TTC28: variants seen among roughly 807,000 people sequenced by gnomAD.
TTC28 encodes the protein tetratricopeptide repeat protein 28.
Under a neutral mutation model 198.0 loss-of-function variants are expected in TTC28, and 61 were observed. That is an observed-to-expected ratio of 0.31 (90% CI 0.25 to 0.38). TTC28 has a LOEUF of 0.38. Ranked by LOEUF, TTC28 falls within the 10% of genes least tolerant of loss-of-function variation. The probability of loss-of-function intolerance (pLI) is 1.00; values close to 1 mark genes in which losing one functional copy is unlikely to be tolerated. For missense variants in TTC28, 2,678 were observed against 3,164.0 expected (o/e 0.85, Z 3.69); for synonymous variants, 1,171 against 1,297.8 (o/e 0.90, Z 2.10).
chr22:28,026,460 C>A (rs978589632), intron 13 of TTC28, among the ~76,000 whole-genome samples: 17 of 152,152 alleles, frequency 1.1e-4, no homozygotes, highest in African/African-American at 1.7e-4. Flanking sequence ...CACCTAGCAT[C>A]CTCCCTACTT....
intron 2 of TTC28, among the ~76,000 whole-genome samples, chr22:28,612,098 C>T (rs1407765358): frequency 2.6e-5 from 4 of 151,992 alleles, no homozygotes; most frequent in Admixed American, 1.3e-4. Flanking sequence ...CATGCAAAGA[C>T]GCACATAGGC....
At chr22:28,260,329 G>T (rs537950454) in intron 5 of TTC28, among the ~76,000 whole-genome samples, 1 of 152,068 alleles carries the variant, frequency 6.6e-6, no homozygotes, top group Non-Finnish European at 1.5e-5. Context: ...ATTCTATTTA[G>T]CTAATGGAAT....
At chr22:28,082,595 T>A (rs1941407825) in intron 12 of TTC28, among the ~76,000 whole-genome samples, 1 of 152,188 alleles carries the variant, frequency 6.6e-6, no homozygotes, top group South Asian at 2.1e-4. Flanking sequence ...CAAGAGTAAA[T>A]CCCACATAGT....
intron 5 of TTC28, among the ~76,000 whole-genome samples, chr22:28,250,695 A>T (rs1930451911): frequency 6.6e-6 from 1 of 152,242 alleles, no homozygotes; most frequent in African/African-American, 2.4e-5. Context: ...AAAGGAAAAA[A>T]GTCTGTACAT....
At chr22:28,222,499 G>A (rs1011249974) in intron 5 of TTC28, among the ~76,000 whole-genome samples, 6 of 152,210 alleles carry the variant, frequency 3.9e-5, no homozygotes, top group Admixed American at 6.5e-5. Flanking sequence ...ATTCTGCAGT[G>A]AGAATGGCTT....
intron 2 of TTC28, among the ~76,000 whole-genome samples, chr22:28,432,599 T>C (rs1286581357): frequency 6.6e-6 from 1 of 152,224 alleles, no homozygotes; most frequent in East Asian, 1.9e-4. Context: ...ACAGCATTTA[T>C]ATAGTTCATT....
chr22:28,478,904 T>C (rs1010711040), intron 2 of TTC28, among the ~76,000 whole-genome samples: 5 of 152,236 alleles, frequency 3.3e-5, no homozygotes, highest in Admixed American at 1.3e-4. Context: ...CCTCATTTAT[T>C]GTCTTCTCAG....
At chr22:28,423,218 C>T (rs978023407) in intron 2 of TTC28, among the ~76,000 whole-genome samples, 8 of 152,030 alleles carry the variant, frequency 5.3e-5, no homozygotes, top group South Asian at 4.2e-4. Context: ...GGTGAAACCC[C>T]GTCTCTACTA....
chr22:28,156,669 A>G (rs1196238266), intron 6 of TTC28, among the ~76,000 whole-genome samples: 3 of 152,238 alleles, frequency 2.0e-5, no homozygotes, highest in Non-Finnish European at 4.4e-5. Flanking sequence ...ACGAGACGGA[A>G]TATCTACTAG....
chr22:28,392,663 C>A (rs528825931), intron 2 of TTC28, among the ~76,000 whole-genome samples: 1 of 152,002 alleles, frequency 6.6e-6, no homozygotes, highest in African/African-American at 2.4e-5. Context: ...TGACTCCTTG[C>A]GCTTCCCGAG....
Position 28,349,620 on chromosome 22 carries a change from A to G in TTC28, c.382-42977T>C, listed in dbSNP as rs755779423. Among the ~76,000 whole-genome samples, 19 of 152,262 alleles carry G rather than the reference A, an allele frequency of 1.2e-4. No individual in the cohort carries two copies. In the South Asian group the frequency reaches 3.1e-3, roughly 25 times the overall value. On this transcript the variant is annotated intron_variant, in intron 2 of 22. Transcript: ENST00000397906. ...TTACTGTGACTTTAGGCAAGTCACA[A>G]CCTCTCTGGACCTCAGTTTCCTCTT...
chr22:28,163,597 T>C lies in TTC28; in HGVS notation c.936A>G (p.Ala312=). Residue 312 remains alanine, a splice_region_variant and synonymous_variant, in exon 6 of 23, where the codon GCA becomes GCG. Coordinates refer to ENST00000397906, the MANE Select transcript of TTC28 (RefSeq NM_001145418.2). The part of the protein sequence containing the change: ...VLAMKLKDRE[A]ASSALSSLGH... ...CCAGACTGCTCAAGGCTGATGAAGCTGCCTGGAGAGAAAAGGATAAAGTGG... is the reference window on the plus strand; with the variant it reads ...CCAGACTGCTCAAGGCTGATGAAGCCGCCTGGAGAGAAAAGGATAAAGTGG... 1 of 1,525,422 alleles carries C rather than the reference T, an allele frequency of 6.6e-7. No homozygotes were observed. Among genetic ancestry groups the C allele is most frequent in the Non-Finnish European group, 8.8e-7 (1 of 1,134,490 alleles). 94.5% of individuals were successfully genotyped at this position (1,525,422 alleles called of 1,614,324 possible). A position where few individuals can be genotyped will look rare whatever the true frequency, so the allele number is the denominator to read the frequency against.
intron 6 of TTC28, among the ~76,000 whole-genome samples, chr22:28,111,023 T>C (rs1173505270): frequency 6.6e-6 from 1 of 152,148 alleles, no homozygotes; most frequent in Non-Finnish European, 1.5e-5. Context: ...ACAGTACATT[T>C]TAATGCATAC....
chr22:28,340,931 T>C (rs902531309), intron 2 of TTC28, among the ~76,000 whole-genome samples: 1 of 152,238 alleles, frequency 6.6e-6, no homozygotes, highest in Non-Finnish European at 1.5e-5. Flanking sequence ...CATTGGTTGT[T>C]GCTCAGATGC....
chr22:28,106,010 T>A (rs1942288171), intron 7 of TTC28, among the ~76,000 whole-genome samples: 1 of 152,218 alleles, frequency 6.6e-6, no homozygotes, highest in South Asian at 2.1e-4. Flanking sequence ...CATCCCTTAG[T>A]GACCTTCCCA....
At chr22:28,588,725 A>C (rs541481208) in intron 2 of TTC28, among the ~76,000 whole-genome samples, 2 of 152,342 alleles carry the variant, frequency 1.3e-5, no homozygotes, top group South Asian at 4.1e-4. Context: ...TTTGCTCTGC[A>C]AATGAGTCTG....
At chr22:28,283,349 C>CA (rs61462098) in intron 5 of TTC28, among the ~76,000 whole-genome samples, 2 of 151,268 alleles carry the variant, frequency 1.3e-5, no homozygotes, top group South Asian at 2.1e-4. Flanking sequence ...CACACACACA[C>CA]CACAAGCCTT....
At chr22:28,490,685 GACC>G (rs906836134) in intron 2 of TTC28, among the ~76,000 whole-genome samples, 1 of 152,118 alleles carries the variant, frequency 6.6e-6, no homozygotes, top group African/African-American at 2.4e-5. Flanking sequence ...TTTAATAGAG[GACC>G]ACAAGATGGT....
chr22:28,675,478 G>A (rs1330557003), intron 1 of TTC28, among the ~76,000 whole-genome samples: 1 of 152,132 alleles, frequency 6.6e-6, no homozygotes. Context: ...TAAACCGGGT[G>A]TGGTGGCTCA....
Sources: gnomAD v4.1 joint callset for allele counts (sites outside exome capture counted in the v4.1 genomes callset) on GRCh38, gnomAD v4.1.1 for gene constraint, MANE v1.5 for transcripts, NCBI Gene and HGNC (gene_info 2026-07-23, HGNC 2026-07-21) for gene names.